Variants in HIP1R observed in about 807,000 individuals in gnomAD.
HIP1R encodes huntingtin interacting protein 1 related.
A neutral mutation model predicts 144.2 loss-of-function variants in HIP1R; 135 were observed. The ratio of observed to expected loss-of-function variants is 0.94; its 90% confidence interval spans 0.81 to 1.08. The LOEUF (loss-of-function observed/expected upper bound fraction) is 1.08. Among genes scored for constraint, HIP1R ranks in the 50% least tolerant of loss-of-function variants. The probability of loss-of-function intolerance (pLI) is 0.00; values close to 1 mark genes in which losing one functional copy is unlikely to be tolerated. For missense variants in HIP1R, 1,462 were observed against 1,432.8 expected (o/e 1.02, Z -0.33); for synonymous variants, 698 against 612.8 (o/e 1.14, Z -2.05).
chr12:122,860,603 A>G, intron 27 of HIP1R, 76 bp from the exon 28 acceptor site: 1 of 1,541,370 alleles, frequency 6.5e-7, no homozygotes, highest in Non-Finnish European at 9.0e-7. Context: ...GGGTGCAGGG[A>G]GTAGAGGGGG....
rs573586507 is a variant in HIP1R, at chr12:122,851,450, C to T, written c.577+153C>T. The stretch of plus-strand genomic sequence containing the variant: ...CAGTGGCTCACATCTGTAATCCCAG[C>T]ATTTTGGGAGGCCGAGGCAGGCAGA... On this transcript the variant is annotated intron_variant, in intron 7 of 31. Coordinates refer to ENST00000253083, the MANE Select transcript of HIP1R (RefSeq NM_003959.3). 2.7e-3 allele frequency among the ~76,000 whole-genome samples: 417 copies of T among 152,294 alleles called. 1 individual carries two copies. The highest frequency in any genetic ancestry group is 4.6e-3 in the Non-Finnish European group (313 of 68,016).
In HIP1R at chr12:122,840,777, C is replaced by A. The variant is rs1305683606; in HGVS notation, c.93+5134C>A. Among the ~76,000 whole-genome samples, 1 of 152,122 alleles carries A rather than the reference C, an allele frequency of 6.6e-6. No homozygotes were observed. Among genetic ancestry groups the A allele is most frequent in the Non-Finnish European group, 1.5e-5 (1 of 68,026 alleles). On this transcript the variant is annotated intron_variant, in intron 1 of 31. Coordinates refer to ENST00000253083, the MANE Select transcript of HIP1R (RefSeq NM_003959.3). The surrounding 1 kb of genome is among the most constrained non-coding windows in gnomAD (Gnocchi z 4.2). Reference sequence around the variant, plus strand: ...GACAGCCCTTCCCTGGAAGAGTGAGCCCAGAGGTGCCACATTATGAAGGCT... The same window carrying A: ...GACAGCCCTTCCCTGGAAGAGTGAGACCAGAGGTGCCACATTATGAAGGCT...
Position 122,854,027 on chromosome 12 carries a change from TG to T in HIP1R, c.578-15del, listed in dbSNP as rs746440888. On this transcript the variant is annotated splice_polypyrimidine_tract_variant and intron_variant, in intron 7 of 31. Transcript: ENST00000253083. ...TCCCAAGGGCTCACGTTCTTCCTCCTGCCCCTTTTGCACAGTTTTCCGACAG... is the reference window on the plus strand; with the variant it reads ...TCCCAAGGGCTCACGTTCTTCCTCCTCCCCTTTTGCACAGTTTTCCGACAG... 3.1e-6 allele frequency: 5 copies of T among 1,611,984 alleles called. No individual in the cohort carries two copies. Among genetic ancestry groups the T allele is most frequent in the Non-Finnish European group, 4.2e-6 (5 of 1,178,924 alleles).
chr12:122,859,607 G>T (rs2033703342), intron 23 of HIP1R, 71 bp downstream of exon 23: 2 of 1,399,272 alleles, frequency 1.4e-6, no homozygotes, highest in East Asian at 2.4e-5. Flanking sequence ...AACTGGGCTG[G>T]GTACAGGCTG....
At chr12:122,855,650 G>A in intron 12 of HIP1R, 38 bp downstream of exon 12, 1 of 1,546,154 alleles carries the variant, frequency 6.5e-7, no homozygotes, top group Non-Finnish European at 8.7e-7. Context: ...GGGGGTGGTT[G>A]GAAACGGGCT....
rs1315095497 is a variant in HIP1R at position 122,860,947 on chromosome 12, G to A, written c.2798G>A (p.Ser933Asn). The change falls in exon 29 of 32, where the codon AGC becomes AAC. Residue 933 changes from serine (S) to asparagine (N), a missense_variant. This residue lies in a region of HIP1R where 1,112 missense variants were observed against 1,011.7 expected (regional missense o/e 1.10). Transcript: ENST00000253083. ...VKANKHSPHL[S>N]RLQECSRTVN... ...GCCAACAAGCACAGCCCCCACCTGA[G>A]CCGCCTGCAGGAATGTTCTCGCACA... 3.7e-6 allele frequency: 6 copies of A among 1,613,108 alleles called. No homozygotes were observed. The highest frequency in any genetic ancestry group is 1.1e-5 in the South Asian group (1 of 91,072).
intron 7 of HIP1R, 32 bp downstream of exon 7, chr12:122,851,329 A>G: frequency 2.0e-6 from 3 of 1,500,136 alleles, no homozygotes; most frequent in Admixed American, 5.1e-5. Context: ...CGGGGGTCTG[A>G]GTGTATTGCT....
At chr12:122,834,763 G>A (rs2032823121), upstream of HIP1R, 3 of 378,188 alleles carry the variant, frequency 7.9e-6, no homozygotes. Context: ...CCCTGGAGCT[G>A]GCGAGGTGTC....
In HIP1R at chr12:122,857,347, C is replaced by T. The variant is rs115437701; in HGVS notation, c.1815+132C>T. 3.5e-3 allele frequency: 3,062 copies of T among 864,260 alleles called. 68 individuals are homozygous for T. In the African/African-American group the frequency reaches 0.045, roughly 13 times the overall value. 53.5% of individuals were successfully genotyped at this position (864,260 alleles called of 1,614,324 possible). ...CATACACGATGCATCCTTTTGTGTC[C>T]GGCTTCTTCACTCAGCATCACGTTG... On this transcript the variant is annotated intron_variant, in intron 18 of 31. Coordinates refer to ENST00000253083, the MANE Select transcript of HIP1R (RefSeq NM_003959.3).
Position 122,858,888 on chromosome 12 carries a change from G to A in HIP1R, c.2101G>A (p.Asp701Asn), listed in dbSNP as rs754355546. The A allele has an allele frequency of 3.7e-6, 6 of 1,613,314 alleles. No homozygotes were observed. Among genetic ancestry groups the A allele is most frequent in the Non-Finnish European group, 5.1e-6 (6 of 1,180,028 alleles). The part of the protein sequence containing the change: ...ALTRFSHLAA[D>N]TIINGGATSH... ...GACCCGCTTCTCCCACCTGGCTGCG[G>A]ATACCATCATCAATGGCGGTGCCAC... Residue 701 changes from aspartate to asparagine, a missense_variant, in exon 21 of 32, where the codon GAT becomes AAT. Coordinates refer to ENST00000253083, the MANE Select transcript of HIP1R (RefSeq NM_003959.3).
At chr12:122,855,232 C>T in intron 10 of HIP1R, 33 bp from the exon 11 acceptor site, 2 of 1,611,860 alleles carry the variant, frequency 1.2e-6, no homozygotes, top group African/African-American at 1.3e-5. Flanking sequence ...GCTTAGGGGA[C>T]AGCTGAGCAG....
At chr12:122,859,301 C>A in intron 22 of HIP1R, 104 bp downstream of exon 22, 1 of 1,475,472 alleles carries the variant, frequency 6.8e-7, no homozygotes. Context: ...GAGCCTGCAG[C>A]CTCAGGACAC....
rs192433959 is a variant in HIP1R, at chr12:122,845,156, G to A, written c.94-2875G>A. Among the ~76,000 whole-genome samples the A allele has an allele frequency of 1.8e-4, 27 of 152,324 alleles. No homozygotes were observed. The East Asian group carries it at 4.8e-3, about 27-fold the overall frequency. On this transcript the variant is annotated intron_variant, in intron 1 of 31. Transcript: ENST00000253083. ...AGTGAGCCCGAGTGCCTGCTGCTGCGGCCCTCAGAACCCTGGAGCCACTTC... is the reference window on the plus strand; with the variant it reads ...AGTGAGCCCGAGTGCCTGCTGCTGCAGCCCTCAGAACCCTGGAGCCACTTC...
intron 4 of HIP1R, among the ~76,000 whole-genome samples, chr12:122,849,178 C>G (rs1357202403): frequency 6.6e-6 from 1 of 152,274 alleles, no homozygotes; most frequent in Non-Finnish European, 1.5e-5. Flanking sequence ...TGGGCTCCCC[C>G]AGACCTGCTG....
intron 7 of HIP1R, 124 bp downstream of exon 7, chr12:122,851,421 G>T (rs1051478268): frequency 9.8e-6 from 7 of 717,498 alleles, no homozygotes; most frequent in African/African-American, 1.9e-5. Context: ...ACCCTGGCCA[G>T]CCGCAGTGGC....
chr12:122,860,091 A>AC lies in HIP1R; in HGVS notation c.2496+17dup. The AC allele has an allele frequency of 6.3e-7, 1 of 1,577,888 alleles. No individual in the cohort carries two copies. Among genetic ancestry groups the AC allele is most frequent in the South Asian group, 1.2e-5 (1 of 85,348 alleles). ...GACCTGATGAAGGTGAGGGGCTGTGACCCGGGGGGGTCTGCACCTGGAGGG... is the reference window on the plus strand; with the variant it reads ...GACCTGATGAAGGTGAGGGGCTGTGACCCCGGGGGGGTCTGCACCTGGAGGG... On this transcript the variant is annotated intron_variant, in intron 25 of 31. Coordinates refer to ENST00000253083, the MANE Select transcript of HIP1R (RefSeq NM_003959.3).
In HIP1R at chr12:122,835,597, C is replaced by A; in HGVS notation, c.47C>A (p.Pro16Gln). ...NVPARVLSRR[P>Q]GHSLEAEREQ... ...CCGGCGCGGGTGCTGAGCCGCAGGC[C>A]GGGCCACAGCCTGGAGGCCGAGCGC... Residue 16 changes from proline to glutamine, a missense_variant, in exon 1 of 32, where the codon CCG (proline) becomes CAG (glutamine). By Grantham distance (76) the Pro-to-Gln change is moderately conservative (BLOSUM62 -1). This residue lies in a region of HIP1R where 350 missense variants were observed against 421.1 expected (regional missense o/e 0.83). Transcript: ENST00000253083. 1 of 1,323,368 alleles carries A rather than the reference C, an allele frequency of 7.6e-7. No individual in the cohort carries two copies. Among genetic ancestry groups the A allele is most frequent in the South Asian group, 1.7e-5 (1 of 60,366 alleles). The allele number at this position is 1,323,368 out of a possible 1,614,324, so 82.0% of individuals were successfully genotyped here. A position where few individuals can be genotyped will look rare whatever the true frequency, so the allele number is the denominator to read the frequency against.
chr12:122,840,676 C>T lies in HIP1R; in HGVS notation c.93+5033C>T, dbSNP rs141652560. 3.9e-5 allele frequency among the ~76,000 whole-genome samples: 6 copies of T among 152,258 alleles called. No individual in the cohort carries two copies. Among genetic ancestry groups the T allele is most frequent in the Middle Eastern group, 3.4e-3 (1 of 294 alleles). On this transcript the variant is annotated intron_variant, in intron 1 of 31. Transcript: ENST00000253083. This position sits in a 1 kb window ranked among gnomAD's most constrained non-coding sequence, Gnocchi z 4.2. Reference sequence around the variant, plus strand: ...CCGGTGCCCTTAGATTAGCTGTAAGCGGAGGCCTTGTGTGCTGGGGCGGTT... The same window carrying T: ...CCGGTGCCCTTAGATTAGCTGTAAGTGGAGGCCTTGTGTGCTGGGGCGGTT...
rs1566110995 is a variant in HIP1R at position 122,856,043 on chromosome 12, C to T, written c.1192C>T (p.Gln398Ter). The change falls in exon 14 of 32, where the codon CAG (glutamine) becomes TAG (stop). Residue 398 changes from glutamine (Q) to a stop codon, truncating the protein, a stop_gained. Coordinates refer to ENST00000253083, the MANE Select transcript of HIP1R (RefSeq NM_003959.3). LOFTEE classifies it high-confidence loss of function. Reference protein sequence around the residue: ...VNALEGELEEQRKQKQKALVD... With the variant: ...VNALEGELEE ...TGCACTGGAGGGTGAGCTGGAGGAG[C>T]AGCGGAAGCAGAAGCAGAAGGCCCT... 1 of 1,594,392 alleles carries T rather than the reference C, an allele frequency of 6.3e-7. No individual in the cohort carries two copies. Among genetic ancestry groups the T allele is most frequent in the South Asian group, 1.1e-5 (1 of 88,086 alleles).
Sources: gnomAD v4.1 joint callset for allele counts (sites outside exome capture counted in the v4.1 genomes callset) on GRCh38, gnomAD v4.1.1 for gene constraint, gnomAD v4.1.1 regional missense constraint, Gnocchi (gnomAD v3.1) non-coding constraint, MANE v1.5 for transcripts, NCBI Gene and HGNC (gene_info 2026-07-23, HGNC 2026-07-21) for gene names.